TOPAZ1: variants seen among roughly 807,000 people sequenced by gnomAD.
TOPAZ1 encodes testis and ovary specific TOPAZ 1.
Under a neutral mutation model 172.2 loss-of-function variants are expected in TOPAZ1, and 66 were observed. The observed-to-expected ratio is 0.38, with a 90% CI of 0.31 to 0.47. TOPAZ1 has a LOEUF of 0.47. Ranked by LOEUF, TOPAZ1 falls within the 20% of genes least tolerant of loss-of-function variation. The probability of loss-of-function intolerance (pLI) is 0.99; values close to 1 mark genes in which losing one functional copy is unlikely to be tolerated. For synonymous variants in TOPAZ1, 681 were observed against 683.9 expected, an observed-to-expected ratio of 1.00 and a Z score of 0.07; for missense variants, 1,822 against 1,972.4, an observed-to-expected ratio of 0.92 and a Z score of 1.44.
chr3:44,280,831 T>A (rs1210316455), intron 8 of TOPAZ1, among the ~76,000 whole-genome samples: 2 of 152,190 alleles, frequency 1.3e-5, no homozygotes, highest in African/African-American at 4.8e-5. Context: ...TCAGTGGGGC[T>A]CCAGGGATTT....
intron 8 of TOPAZ1, among the ~76,000 whole-genome samples, chr3:44,274,534 A>T (rs1422635244): frequency 6.6e-6 from 1 of 151,874 alleles, no homozygotes; most frequent in Non-Finnish European, 1.5e-5. Flanking sequence ...AGCACTGAAA[A>T]GGCACAAAAT....
intron 2 of TOPAZ1, among the ~76,000 whole-genome samples, chr3:44,251,333 C>G (rs1287659445): frequency 6.6e-6 from 1 of 152,116 alleles, no homozygotes; most frequent in East Asian, 1.9e-4. Flanking sequence ...TGTTGCCCAA[C>G]CTGGTCTTGA....
rs190898703 is a variant in TOPAZ1, at chr3:44,312,025, A to G, written c.4306+2035A>G. ...CCATTTCTAAGAATTTGTACTGCAC[A>G]CACATTTATACCTGTATACAAAGGT... is the stretch of plus-strand genomic sequence containing the variant. On this transcript the variant is annotated intron_variant, in intron 16 of 19. Transcript: ENST00000309765. Among the ~76,000 whole-genome samples the G allele has an allele frequency of 2.6e-5, 4 of 152,212 alleles. No homozygotes were observed. In the East Asian group the frequency reaches 7.7e-4, roughly 29 times the overall value.
rs556285679 is a variant in TOPAZ1, at chr3:44,321,741, G to A, written c.4471+550G>A. ...AGGGCCTCCCCTCAGTACTTTCATC[G>A]TACTATCTATAAATTTTCATTTTTC... On this transcript the variant is annotated intron_variant, in intron 17 of 19. Transcript: ENST00000309765. 5.3e-5 allele frequency among the ~76,000 whole-genome samples: 8 copies of A among 152,244 alleles called. No individual in the cohort carries two copies. In the East Asian group the frequency reaches 7.7e-4, roughly 15 times the overall value.
chr3:44,308,798 A>T (rs1700364931), intron 15 of TOPAZ1, among the ~76,000 whole-genome samples: 1 of 152,222 alleles, frequency 6.6e-6, no homozygotes, highest in South Asian at 2.1e-4. Flanking sequence ...AATGAAACCT[A>T]TTCCTTTTTG....
intron 2 of TOPAZ1, among the ~76,000 whole-genome samples, chr3:44,253,522 G>T (rs1699659963): frequency 6.6e-6 from 1 of 152,116 alleles, no homozygotes; most frequent in African/African-American, 2.4e-5. Flanking sequence ...TCTTAGAGAA[G>T]AACATTACCA....
At chr3:44,291,536 G>C (rs1700137599) in intron 12 of TOPAZ1, among the ~76,000 whole-genome samples, 1 of 151,828 alleles carries the variant, frequency 6.6e-6, no homozygotes, top group South Asian at 2.1e-4. Context: ...GGGAGGCAGA[G>C]GTTGCAGTGA....
intron 7 of TOPAZ1, 22 bp from the exon 8 acceptor site, chr3:44,270,663 G>C (rs1699885535): frequency 6.5e-7 from 1 of 1,527,404 alleles, no homozygotes; most frequent in East Asian, 2.5e-5. Flanking sequence ...AATACAGAAA[G>C]TGAATCTTTC....
intron 5 of TOPAZ1, among the ~76,000 whole-genome samples, 160 bp downstream of exon 5, chr3:44,262,643 A>G (rs540089617): frequency 1.1e-4 from 16 of 152,318 alleles, no homozygotes; most frequent in Non-Finnish European, 2.2e-4. Flanking sequence ...ACTCAGGTGT[A>G]AGGGGTATTG....
chr3:44,312,243 A>C (rs972309421), intron 16 of TOPAZ1, among the ~76,000 whole-genome samples: 3 of 152,040 alleles, frequency 2.0e-5, no homozygotes, highest in Admixed American at 6.5e-5. Context: ...AAAAAAAAAA[A>C]AAAAACACAG....
Position 44,244,582 on chromosome 3 carries a change from T to G in TOPAZ1, c.2076T>G (p.Leu692=), listed in dbSNP as rs760636148. ...TGACTAATTTTAAAATTCCTTTACT[T>G]AAGAATAAATCAGAAAAAAGAAAAG... The part of the protein sequence containing the change: ...GRLTNFKIPL[L]KNKSEKRKEV... Residue 692 remains leucine (L), a synonymous_variant, in exon 2 of 20, where the codon CTT becomes CTG. Transcript: ENST00000309765. The G allele has an allele frequency of 9.0e-6, 14 of 1,550,368 alleles. No homozygotes were observed. In the South Asian group the frequency reaches 1.1e-4, roughly 12 times the overall value.
chr3:44,288,268 G>T (rs768198748), intron 11 of TOPAZ1, among the ~76,000 whole-genome samples: 1 of 151,990 alleles, frequency 6.6e-6, no homozygotes, highest in Non-Finnish European at 1.5e-5. Context: ...TAGGAAAACT[G>T]CCAGTTTTCT....
intron 16 of TOPAZ1, among the ~76,000 whole-genome samples, chr3:44,315,199 ACGTGTGTGTGTG>A (rs959759157): frequency 2.3e-5 from 3 of 129,672 alleles, no homozygotes; most frequent in East Asian, 4.0e-4. Context: ...TTTTGAAAGA[ACGTGTGTGTGTG>A]TGTGTGTGTG....
In TOPAZ1 at chr3:44,287,547, A is replaced by G. The variant is rs1202793051; in HGVS notation, c.3588+7A>G. Reference sequence around the variant, plus strand: ...CATAATGGTTAAAATGCTGGTAAGTAGCCTGAAAATATATGTTATTTTAAT... The same window carrying G: ...CATAATGGTTAAAATGCTGGTAAGTGGCCTGAAAATATATGTTATTTTAAT... On this transcript the variant is annotated splice_region_variant and intron_variant, in intron 10 of 19. Transcript: ENST00000309765. 1 of 1,454,940 alleles carries G rather than the reference A, an allele frequency of 6.9e-7. No individual in the cohort carries two copies. Among genetic ancestry groups the G allele is most frequent in the Non-Finnish European group, 9.1e-7 (1 of 1,098,480 alleles). The allele number at this position is 1,454,940 out of a possible 1,614,324, so 90.1% of individuals were successfully genotyped here.
In TOPAZ1 at chr3:44,243,607, T is replaced by G; in HGVS notation, c.1101T>G (p.Ala367=). 7.7e-6 allele frequency: 12 copies of G among 1,550,622 alleles called. No individual in the cohort carries two copies. Among genetic ancestry groups the G allele is most frequent in the Non-Finnish European group, 1.0e-5 (12 of 1,146,978 alleles). The change falls in exon 2 of 20, where the codon GCT becomes GCG. Residue 367 remains alanine (A), a synonymous_variant. Transcript: ENST00000309765. ...TGTTGCAAGAAAATCAAATGATTGC[T>G]GATGGTAAAGAAGCAGAGACTAAAA... ...ELMLQENQMI[A]DGKEAETKSP...
intron 12 of TOPAZ1, among the ~76,000 whole-genome samples, chr3:44,302,342 G>A (rs752045396): frequency 3.9e-5 from 6 of 152,110 alleles, no homozygotes; most frequent in Admixed American, 6.6e-5. Context: ...CCCAGAAGGC[G>A]GAGCTTGCAG....
intron 6 of TOPAZ1, among the ~76,000 whole-genome samples, chr3:44,268,234 A>G (rs898668653): frequency 2.6e-5 from 4 of 152,104 alleles, no homozygotes; most frequent in African/African-American, 9.7e-5. Flanking sequence ...TTCAGGGCTA[A>G]GGTTCTAGAA....
chr3:44,265,499 T>C (rs1235631638), intron 5 of TOPAZ1, among the ~76,000 whole-genome samples: 2 of 152,166 alleles, frequency 1.3e-5, no homozygotes, highest in Non-Finnish European at 2.9e-5. Flanking sequence ...GAGGTTGTAG[T>C]GAGCTGAGAT....
At chr3:44,301,366 T>C (rs1436511949) in intron 12 of TOPAZ1, among the ~76,000 whole-genome samples, 4 of 152,206 alleles carry the variant, frequency 2.6e-5, no homozygotes, top group Non-Finnish European at 5.9e-5. Context: ...TGTGAGCTTA[T>C]TTAAAAGTCA....
Sources: allele counts gnomAD v4.1 joint callset (sites outside exome capture counted in the v4.1 genomes callset), GRCh38; gene constraint gnomAD v4.1.1; transcripts MANE v1.5; gene names NCBI Gene and HGNC (gene_info 2026-07-23, HGNC 2026-07-21).